RAB20: variants seen among roughly 807,000 people sequenced by gnomAD.
The protein encoded by RAB20 is ras-related protein Rab-20.
In RAB20, 2 loss-of-function variants were observed where a neutral mutation model predicts 3.7. That is an observed-to-expected ratio of 0.54 (90% confidence interval 0.22 to 1.69). RAB20 has a LOEUF of 1.69. Among genes scored for constraint, RAB20 ranks in the 40% most tolerant of loss-of-function variants. RAB20 has a pLI of 0.19. For synonymous variants in RAB20, 126 were observed against 130.8 expected (o/e 0.96, Z 0.25); for missense variants, 276 against 311.9 (o/e 0.88, Z 0.87).
intron 1 of RAB20, among the ~76,000 whole-genome samples, chr13:110,540,911 G>A (rs1450149601): frequency 3.3e-5 from 5 of 152,092 alleles, no homozygotes; most frequent in Admixed American, 1.3e-4. Flanking sequence ...CGACCCTCAC[G>A]GCTGGTCTCT....
At chr13:110,544,987 G>T (rs1225534265) in intron 1 of RAB20, among the ~76,000 whole-genome samples, 24 of 152,174 alleles carry the variant, frequency 1.6e-4, no homozygotes. Flanking sequence ...TTTATCAGGG[G>T]TTTCTGCCTT....
At chr13:110,538,522 C>A (rs1229211715) in intron 1 of RAB20, among the ~76,000 whole-genome samples, 1 of 146,712 alleles carries the variant, frequency 6.8e-6, no homozygotes, top group Non-Finnish European at 1.5e-5. Flanking sequence ...GGGAGGATCA[C>A]CTGAGCCCAG....
intron 1 of RAB20, among the ~76,000 whole-genome samples, chr13:110,546,230 A>G (rs1227444515): frequency 1.3e-5 from 2 of 152,172 alleles, no homozygotes; most frequent in Non-Finnish European, 2.9e-5. Flanking sequence ...CACATCTGTC[A>G]TCTTATTTAA....
At position 110,523,862 on chromosome 13, in the gene RAB20, G is replaced by A; in HGVS notation, c.508C>T (p.Gln170Ter). The A allele has an allele frequency of 6.2e-7, 1 of 1,614,208 alleles. No individual in the cohort carries two copies. Among genetic ancestry groups the A allele is most frequent in the Non-Finnish European group, 8.5e-7 (1 of 1,180,046 alleles). ...ATTTGCTCAGCGGCCGGCACATCCT[G>A]CTCATCCAGCATCTTGTACTTGAGG... ...KILKYKMLDE[Q>*]DVPAAEQMCF... Residue 170 changes from glutamine (Q) to a stop codon, truncating the protein, a stop_gained, in exon 2 of 2, where the codon CAG becomes TAG. Transcript: ENST00000267328. LOFTEE classifies it low-confidence loss of function (END_TRUNC).
At chr13:110,550,688 T>C (rs1884938278) in intron 1 of RAB20, among the ~76,000 whole-genome samples, 1 of 152,036 alleles carries the variant, frequency 6.6e-6, no homozygotes, top group Non-Finnish European at 1.5e-5. Context: ...ATTCCCGAGG[T>C]ATCTAGTGGA....
rs1329940738 is a variant in RAB20, at chr13:110,561,453, G to A, written c.67C>T (p.Gln23Ter). Residue 23 changes from glutamine (Q) to a stop codon, truncating the protein, a stop_gained, in exon 1 of 2, where the codon CAG (glutamine) becomes TAG (stop). Coordinates refer to ENST00000267328, the MANE Select transcript of RAB20 (RefSeq NM_017817.3). LOFTEE classifies it high-confidence loss of function. ...GGGAAGCGCCGCTCCATATACCGCT[G>A]CAGCAGCGACGTCTTCCCCACGTTC... ...DMNVGKTSLL[Q>*]RYMERRFPDT... 1 of 1,605,038 alleles carries A rather than the reference G, an allele frequency of 6.2e-7. No individual in the cohort carries two copies. Among genetic ancestry groups the A allele is most frequent in the Non-Finnish European group, 8.5e-7 (1 of 1,175,946 alleles).
intron 1 of RAB20, among the ~76,000 whole-genome samples, chr13:110,544,350 C>T (rs1594135531): frequency 6.6e-6 from 1 of 152,138 alleles, no homozygotes; most frequent in Non-Finnish European, 1.5e-5. Context: ...TTTATTATTG[C>T]TCAAAATTGA....
chr13:110,524,028 T>C lies in RAB20; in HGVS notation c.342A>G (p.Lys114=). Residue 114 remains lysine, a synonymous_variant, in exon 2 of 2, where the codon AAA becomes AAG. Coordinates refer to ENST00000267328, the MANE Select transcript of RAB20 (RefSeq NM_017817.3). ...KDCLFAIVGN[K]VDLTEEGALA... Reference sequence around the variant, plus strand: ...AGGCCCCCTCCTCAGTGAGGTCCACTTTGTTCCCCACGATGGCAAAGAGGC... The same window carrying C: ...AGGCCCCCTCCTCAGTGAGGTCCACCTTGTTCCCCACGATGGCAAAGAGGC... 6.2e-7 allele frequency: 1 copy of C among 1,614,130 alleles called. No individual in the cohort carries two copies.
chr13:110,551,002 T>C (rs1355553327), intron 1 of RAB20, among the ~76,000 whole-genome samples: 2 of 152,216 alleles, frequency 1.3e-5, no homozygotes, highest in Non-Finnish European at 2.9e-5. Flanking sequence ...ATTTCCACAC[T>C]AATTTTATCA....
chr13:110,548,021 C>T (rs1270928331), intron 1 of RAB20, among the ~76,000 whole-genome samples: 11 of 152,216 alleles, frequency 7.2e-5, no homozygotes, highest in Admixed American at 7.2e-4. Flanking sequence ...ACCAGAGCAA[C>T]TCCTTATGCC....
At chr13:110,545,714 G>C (rs1194243945) in intron 1 of RAB20, among the ~76,000 whole-genome samples, 2 of 152,104 alleles carry the variant, frequency 1.3e-5, no homozygotes, top group Non-Finnish European at 2.9e-5. Flanking sequence ...GTGCCACCTT[G>C]GGAAGATGAT....
chr13:110,545,309 A>C (rs981979352), intron 1 of RAB20, among the ~76,000 whole-genome samples: 5 of 152,182 alleles, frequency 3.3e-5, no homozygotes, highest in Non-Finnish European at 5.9e-5. Flanking sequence ...GTACCCCATA[A>C]ATATATACGC....
intron 1 of RAB20, among the ~76,000 whole-genome samples, chr13:110,544,065 TG>T (rs2139584123): frequency 6.6e-6 from 1 of 152,276 alleles, no homozygotes; most frequent in East Asian, 1.9e-4. Flanking sequence ...GCACCCAGCC[TG>T]ATTTTTGTAT....
rs1235082246 is a variant in RAB20 at position 110,523,638 on chromosome 13, A to G, written c.*27T>C. The G allele has an allele frequency of 1.9e-6, 3 of 1,604,026 alleles. No homozygotes were observed. The highest frequency in any genetic ancestry group is 2.6e-6 in the Non-Finnish European group (3 of 1,173,004). On this transcript the variant is annotated 3_prime_UTR_variant, in exon 2 of 2. Transcript: ENST00000267328. ...GGTCAGACCCCTTCCCAACATGCAC[A>G]GTCTGAGTCCAGGAGGCCCTCGAAA...
intron 1 of RAB20, 112 bp downstream of exon 1, chr13:110,561,236 T>A (rs887837272): frequency 1.2e-5 from 16 of 1,322,106 alleles, no homozygotes; most frequent in African/African-American, 1.6e-5. Flanking sequence ...AGGAGGCATT[T>A]GCTGTCCGAG....
At chr13:110,536,013 C>T (rs1382288103) in intron 1 of RAB20, among the ~76,000 whole-genome samples, 1 of 152,222 alleles carries the variant, frequency 6.6e-6, no homozygotes, top group Non-Finnish European at 1.5e-5. Context: ...AATGTGACCA[C>T]ATGGAGTACG....
At chr13:110,554,995 C>T (rs549206110) in intron 1 of RAB20, among the ~76,000 whole-genome samples, 210 of 18,366 alleles carry the variant, frequency 0.011, 1 homozygote, top group African/African-American at 0.046. Context: ...GCCCTGGCAC[C>T]GTGTCAGGGA....
At chr13:110,559,868 C>T (rs1171479369) in intron 1 of RAB20, among the ~76,000 whole-genome samples, 1 of 152,144 alleles carries the variant, frequency 6.6e-6, no homozygotes, top group East Asian at 1.9e-4. Flanking sequence ...AGCTCTTGTT[C>T]CAGAAACACA....
intron 1 of RAB20, among the ~76,000 whole-genome samples, chr13:110,551,965 T>C (rs1004439772): frequency 1.3e-5 from 2 of 149,478 alleles, no homozygotes; most frequent in Admixed American, 6.7e-5. Context: ...GGTGGTGCTG[T>C]AGTCCCAGCT....
Sources: gnomAD v4.1 joint callset for allele counts (sites outside exome capture counted in the v4.1 genomes callset) on GRCh38, gnomAD v4.1.1 for gene constraint, MANE v1.5 for transcripts, NCBI Gene and HGNC (gene_info 2026-07-23, HGNC 2026-07-21) for gene names.